The following ITPK1 variants were observed in gnomAD, a reference collection of about 807,000 sequenced individuals.
ITPK1 encodes the protein inositol-tetrakisphosphate 1-kinase, also known as inositol 1,3,4-trisphosphate 5/6-kinase.
A neutral mutation model predicts 45.3 loss-of-function variants in ITPK1; 21 were observed. The observed-to-expected ratio is 0.46, with a 90% CI of 0.33 to 0.67. ITPK1 has a LOEUF of 0.67. Among genes scored for constraint, ITPK1 ranks in the 30% least tolerant of loss-of-function variants. The probability of loss-of-function intolerance (pLI) is 0.02; values close to 1 mark genes in which losing one functional copy is unlikely to be tolerated. For missense variants in ITPK1, 474 were observed against 573.5 expected (o/e 0.83, Z 1.77); for synonymous variants, 258 against 253.6 (o/e 1.02, Z -0.16).
intron 3 of ITPK1, among the ~76,000 whole-genome samples, chr14:93,024,883 G>A (rs561177914): frequency 6.1e-4 from 93 of 152,272 alleles, no homozygotes; most frequent in Middle Eastern, 3.4e-3. Context: ...GGAGTGGGCC[G>A]ACAACACAGC....
In ITPK1 at chr14:92,987,612, G is replaced by C. The variant is rs149306952; in HGVS notation, c.364+6268C>G. On this transcript the variant is annotated intron_variant, in intron 5 of 10. Transcript: ENST00000267615. Reference sequence around the variant, plus strand: ...TAGATGTTTGTTGTAAGGGAACAGGGTGAGCTTTGGCATCAACATGGAGCT... The same window carrying C: ...TAGATGTTTGTTGTAAGGGAACAGGCTGAGCTTTGGCATCAACATGGAGCT... Among the ~76,000 whole-genome samples, 313 of 152,282 alleles carry C rather than the reference G, an allele frequency of 2.1e-3. 1 individual carries two copies. The highest frequency in any genetic ancestry group is 7.0e-3 in the African/African-American group (290 of 41,548).
At chr14:92,981,194 T>C (rs570035793) in intron 5 of ITPK1, among the ~76,000 whole-genome samples, 1 of 152,318 alleles carries the variant, frequency 6.6e-6, no homozygotes, top group South Asian at 2.1e-4. Context: ...CCTCAATTTC[T>C]GGCCTCCATC....
intron 2 of ITPK1, among the ~76,000 whole-genome samples, chr14:93,094,034 G>A (rs1415268810): frequency 2.6e-5 from 4 of 152,188 alleles, no homozygotes; most frequent in South Asian, 2.1e-4. Flanking sequence ...GGCCCCCACC[G>A]CCTCGGCTCC....
At chr14:93,011,385 G>C (rs1887897404) in intron 4 of ITPK1, among the ~76,000 whole-genome samples, 1 of 152,172 alleles carries the variant, frequency 6.6e-6, no homozygotes, top group Non-Finnish European at 1.5e-5. Context: ...CCAGCTCCCA[G>C]CCCTACTCAC....
rs1887275557 is a variant in ITPK1 at position 92,939,924 on chromosome 14, C to T, written c.*1637G>A. 1.0e-6 allele frequency: 1 copy of T among 985,878 alleles called. No homozygotes were observed. Among genetic ancestry groups the T allele is most frequent in the Non-Finnish European group, 1.2e-6 (1 of 829,944 alleles). 61.1% of individuals were successfully genotyped at this position (985,878 alleles called of 1,614,324 possible). ...CAGTGCAAGAGGCCAGCCACGCTTT[C>T]CTGTTCCCCAGGGCTCAGGGTCAGA... On this transcript the variant is annotated 3_prime_UTR_variant, in exon 11 of 11. Coordinates refer to ENST00000267615, the MANE Select transcript of ITPK1 (RefSeq NM_014216.6).
intron 8 of ITPK1, among the ~76,000 whole-genome samples, chr14:92,957,464 T>C (rs971614945): frequency 2.0e-5 from 3 of 152,202 alleles, no homozygotes; most frequent in African/African-American, 7.2e-5. Context: ...GTTTTTAAAA[T>C]GGCTGAGGCT....
In ITPK1 at chr14:92,938,180, G is replaced by A. The variant is rs1887203100; in HGVS notation, c.*3381C>T. 8 of 472,626 alleles carry A rather than the reference G, an allele frequency of 1.7e-5. No homozygotes were observed. Among genetic ancestry groups the A allele is most frequent in the East Asian group, 1.2e-4 (3 of 26,066 alleles). The allele number at this position is 472,626 out of a possible 1,614,324, so 29.3% of individuals were successfully genotyped here. A position where few individuals can be genotyped will look rare whatever the true frequency, so the allele number is the denominator to read the frequency against. On this transcript the variant is annotated 3_prime_UTR_variant, in exon 11 of 11. Coordinates refer to ENST00000267615, the MANE Select transcript of ITPK1 (RefSeq NM_014216.6). ...TCACCATGTTGGCCAGGATGGTGTC[G>A]ATCTCTTGACCTTGTGATCCACCTG... is the stretch of plus-strand genomic sequence containing the variant.
rs550160330 is a variant in ITPK1 at position 92,941,748 on chromosome 14, C to T, written c.1058G>A (p.Arg353Gln). 7.6e-5 allele frequency: 122 copies of T among 1,599,784 alleles called. No homozygotes were observed. The highest frequency in any genetic ancestry group is 6.9e-4 in the Admixed American group (41 of 59,000). ...AEPAGGLVGE[R>Q]TCSASPGCCG... ...GCAGCCGGGGCTGGCGCTGCATGTC[C>T]GCTCGCCCACCAGGCCGCCCGCCGG... Residue 353 changes from arginine (R) to glutamine (Q), a missense_variant, in exon 11 of 11, where the codon CGG (arginine) becomes CAG (glutamine). Physicochemically the swap from Arg to Gln is conservative, Grantham distance 43. Around this residue, in one of 2 missense-constraint regions of ITPK1, gnomAD observed 367 missense variants for 480.6 expected, o/e 0.76. Coordinates refer to ENST00000267615, the MANE Select transcript of ITPK1 (RefSeq NM_014216.6).
intron 4 of ITPK1, among the ~76,000 whole-genome samples, chr14:93,005,737 C>G (rs1887577222): frequency 6.6e-6 from 1 of 152,214 alleles, no homozygotes. Flanking sequence ...GTTTATCCTA[C>G]AGAATTCCTC....
rs370500785 is a variant in ITPK1, at chr14:92,978,525, C to T, written c.364+15355G>A. On this transcript the variant is annotated intron_variant, in intron 5 of 10. Coordinates refer to ENST00000267615, the MANE Select transcript of ITPK1 (RefSeq NM_014216.6). ...CAGAGACCTTCACAGCAGTCCCTCC[C>T]ATCACAGGCCAGGAGGTCTAGAAGG... Among the ~76,000 whole-genome samples the T allele has an allele frequency of 9.2e-5, 14 of 152,070 alleles. No homozygotes were observed. The South Asian group carries it at 2.3e-3, about 25-fold the overall frequency.
At chr14:92,966,197 G>T (rs1262349728) in intron 5 of ITPK1, among the ~76,000 whole-genome samples, 3 of 151,996 alleles carry the variant, frequency 2.0e-5, no homozygotes, top group African/African-American at 7.3e-5. Flanking sequence ...TCACTATGTT[G>T]CCCAGACTTG....
At position 93,088,055 on chromosome 14, in the gene ITPK1, A is replaced by G. The variant is rs542219142; in HGVS notation, c.96-11436T>C. Among the ~76,000 whole-genome samples the G allele has an allele frequency of 3.9e-5, 6 of 152,310 alleles. No individual in the cohort carries two copies. The South Asian group carries it at 1.2e-3, about 32-fold the overall frequency. ...CAGAGGTGCCCAGGCACCTGACCCT[A>G]AAACAGGCAGCGCTTCATCGGCTAC... On this transcript the variant is annotated intron_variant, in intron 2 of 10. Coordinates refer to ENST00000267615, the MANE Select transcript of ITPK1 (RefSeq NM_014216.6).
At position 93,016,821 on chromosome 14, in the gene ITPK1, G is replaced by A. The variant is rs781467679; in HGVS notation, c.121-20C>T. On this transcript the variant is annotated intron_variant, in intron 3 of 10. Transcript: ENST00000267615. The surrounding 1 kb of genome is among the most constrained non-coding windows in gnomAD (Gnocchi z 5.0). The stretch of plus-strand genomic sequence containing the variant: ...GTTCAGCTGTGAGGCAGGGAACACA[G>A]ACAAAAGCAACAACTTCAGCACCTG... 9.3e-6 allele frequency: 15 copies of A among 1,612,836 alleles called. No individual in the cohort carries two copies. Among genetic ancestry groups the A allele is most frequent in the Non-Finnish European group, 1.3e-5 (15 of 1,179,172 alleles).
At chr14:93,002,843 C>T (rs1887420148) in intron 4 of ITPK1, among the ~76,000 whole-genome samples, 1 of 152,182 alleles carries the variant, frequency 6.6e-6, no homozygotes, top group Non-Finnish European at 1.5e-5. Context: ...GAGACTGCAG[C>T]TCCCTTTCCA....
intron 3 of ITPK1, among the ~76,000 whole-genome samples, chr14:93,072,969 G>A (rs1397461290): frequency 2.0e-5 from 3 of 152,208 alleles, no homozygotes; most frequent in Non-Finnish European, 4.4e-5. Flanking sequence ...ATACCTCCCT[G>A]GCCCCAGGAT....
At position 93,016,899 on chromosome 14, in the gene ITPK1, C is replaced by T; in HGVS notation, c.121-98G>A. The T allele has an allele frequency of 6.6e-7, 1 of 1,514,146 alleles. No homozygotes were observed. Among genetic ancestry groups the T allele is most frequent in the Non-Finnish European group, 9.0e-7 (1 of 1,117,238 alleles). The allele number at this position is 1,514,146 out of a possible 1,614,324, so 93.8% of individuals were successfully genotyped here. A position where few individuals can be genotyped will look rare whatever the true frequency, so the allele number is the denominator to read the frequency against. ...CCCTGGGGCATATCACCAGAGGACC[C>T]TCGAGCCTCCCTGTAGCACTCTGGA... On this transcript the variant is annotated intron_variant, in intron 3 of 10. Transcript: ENST00000267615. The surrounding 1 kb of genome is among the most constrained non-coding windows in gnomAD (Gnocchi z 5.0).
intron 4 of ITPK1, among the ~76,000 whole-genome samples, chr14:93,002,631 G>A (rs550826481): frequency 6.6e-6 from 1 of 152,280 alleles, no homozygotes; most frequent in South Asian, 2.1e-4. Flanking sequence ...GGCCGGGTGT[G>A]TTCCATTTGG....
chr14:93,098,354 G>C (rs374295835), intron 2 of ITPK1, among the ~76,000 whole-genome samples: 9 of 152,220 alleles, frequency 5.9e-5, no homozygotes, highest in Admixed American at 4.6e-4. Flanking sequence ...CTACTCGGAA[G>C]GTTGAGGCAG....
At chr14:93,009,347 C>A (rs577318229) in intron 4 of ITPK1, among the ~76,000 whole-genome samples, 1 of 152,242 alleles carries the variant, frequency 6.6e-6, no homozygotes, top group African/African-American at 2.4e-5. Context: ...CACACACAAG[C>A]AGAGGGGCTG....
Sources: allele counts gnomAD v4.1 joint callset (sites outside exome capture counted in the v4.1 genomes callset), GRCh38; gene constraint gnomAD v4.1.1; regional missense constraint gnomAD v4.1.1; non-coding constraint Gnocchi (gnomAD v3.1); transcripts MANE v1.5; gene names NCBI Gene and HGNC (gene_info 2026-07-23, HGNC 2026-07-21).